NAA25: variants seen among roughly 807,000 people sequenced by gnomAD.
NAA25 encodes N-alpha-acetyltransferase 25, NatB auxiliary subunit.
NAA25 carries 30 observed loss-of-function variants against 132.5 expected under a neutral mutation model. The observed-to-expected ratio is 0.23, with a 90% CI of 0.17 to 0.31. The LOEUF is 0.31. Ranked by LOEUF, NAA25 falls within the 10% of genes least tolerant of loss-of-function variation. NAA25 has a pLI of 1.00. For missense variants in NAA25, 771 were observed against 1,150.4 expected (o/e 0.67, Z 4.77); for synonymous variants, 359 against 401.9 (o/e 0.89, Z 1.28).
intron 4 of NAA25, 30 bp from the exon 5 acceptor site, chr12:112,081,164 GA>G (rs1272360714): frequency 6.4e-7 from 1 of 1,557,778 alleles, no homozygotes; most frequent in Non-Finnish European, 8.8e-7. Context: ...ATTTTATTTA[GA>G]AAACACCATA....
intron 4 of NAA25, among the ~76,000 whole-genome samples, chr12:112,085,979 T>C (rs1211886004): frequency 7.1e-5 from 8 of 113,436 alleles, no homozygotes; most frequent in African/African-American, 1.0e-4. Context: ...ATCATACCAC[T>C]GGATTCCACC....
chr12:112,090,932 G>A (rs1265146483), intron 2 of NAA25, 68 bp from the exon 3 acceptor site: 16 of 1,441,302 alleles, frequency 1.1e-5, no homozygotes, highest in African/African-American at 1.4e-5. Context: ...AAAGAAAGCC[G>A]ATCTGAAAGA....
At chr12:112,075,915 T>C in intron 7 of NAA25, 126 bp from the exon 8 acceptor site, 1 of 699,352 alleles carries the variant, frequency 1.4e-6, no homozygotes, top group Non-Finnish European at 2.3e-6. Flanking sequence ...GGAGTTTCAC[T>C]CTTGTCACCC....
chr12:112,094,292 T>C (rs913199628), intron 1 of NAA25, among the ~76,000 whole-genome samples: 1 of 150,428 alleles, frequency 6.6e-6, no homozygotes, highest in African/African-American at 2.4e-5. Context: ...TATAGTCATC[T>C]CTCATCTACA....
intron 11 of NAA25, among the ~76,000 whole-genome samples, chr12:112,066,649 C>T (rs1294397918): frequency 6.6e-6 from 1 of 152,214 alleles, no homozygotes; most frequent in African/African-American, 2.4e-5. Flanking sequence ...ACTCTCCTTT[C>T]TGGATGTGTT....
intron 1 of NAA25, among the ~76,000 whole-genome samples, chr12:112,093,512 G>A (rs1197255469): frequency 6.6e-6 from 1 of 152,076 alleles, no homozygotes; most frequent in African/African-American, 2.4e-5. Flanking sequence ...CTGCACTCCA[G>A]CCTGGGCAAA....
At position 112,086,102 on chromosome 12, in the gene NAA25, A is replaced by ACC. The variant is rs1555238755; in HGVS notation, c.402+1579_402+1580dup. Among the ~76,000 whole-genome samples, 26 of 120,796 alleles carry ACC rather than the reference A, an allele frequency of 2.2e-4. 1 individual carries two copies. Among genetic ancestry groups the ACC allele is most frequent in the East Asian group, 1.8e-3 (6 of 3,318 alleles). The allele number at this position is 120,796 out of a possible 152,430, so 79.2% of individuals were successfully genotyped here. On this transcript the variant is annotated intron_variant, in intron 4 of 23. Transcript: ENST00000261745. ...CACACACACACACACACACACACAC[A>ACC]CCCATAACCATTTTACATTTTTAAA...
At chr12:112,034,830 A>G (rs1220659697) in intron 22 of NAA25, 1 of 149,802 alleles carries the variant, frequency 6.7e-6, no homozygotes, top group Non-Finnish European at 1.5e-5. Context: ...AAAAAAAAAG[A>G]AAAGAAAAGA....
Position 112,090,807 on chromosome 12 carries a change from C to A in NAA25, c.202G>T (p.Ala68Ser), listed in dbSNP as rs1593827801. The A allele has an allele frequency of 6.2e-7, 1 of 1,614,036 alleles. No individual in the cohort carries two copies. Among genetic ancestry groups the A allele is most frequent in the East Asian group, 2.2e-5 (1 of 44,884 alleles). The change falls in exon 3 of 24, where the codon GCA becomes TCA. Residue 68 changes from alanine (A) to serine (S), a missense_variant. Physicochemically the swap from Ala to Ser is moderately conservative, Grantham distance 99. Coordinates refer to ENST00000261745, the MANE Select transcript of NAA25 (RefSeq NM_024953.4). ...TGKQEEAFTL[A>S]QEVAALEPTD... ...GGTTCAAGGGCTGCCACCTCCTGTG[C>A]AAGAGTAAAGGCTTCCTCTTGCTTT...
rs1158237412 is a variant in NAA25, at chr12:112,076,697, T to TA, written c.665-909dup. Among the ~76,000 whole-genome samples the TA allele has an allele frequency of 5.7e-3, 823 of 143,512 alleles. 1 individual carries two copies. The highest frequency in any genetic ancestry group is 0.019 in the African/African-American group (732 of 39,282). 94.1% of individuals were successfully genotyped at this position (143,512 alleles called of 152,430 possible). A position where few individuals can be genotyped will look rare whatever the true frequency, so the allele number is the denominator to read the frequency against. On this transcript the variant is annotated intron_variant, in intron 7 of 23. Coordinates refer to ENST00000261745, the MANE Select transcript of NAA25 (RefSeq NM_024953.4). ...CTATCCATAGAGCTATAATGTAGTT[T>TA]AAAAAAAAAAAAGGGCCAGGCCTGA... is the stretch of plus-strand genomic sequence containing the variant.
At chr12:112,057,662 C>A (rs2078566580) in intron 13 of NAA25, among the ~76,000 whole-genome samples, 1 of 152,174 alleles carries the variant, frequency 6.6e-6, no homozygotes. Context: ...TGAGACCAGC[C>A]TGACTAACAT....
Position 112,043,328 on chromosome 12 carries a change from A to C in NAA25, c.2251-117T>G, listed in dbSNP as rs962988316. On this transcript the variant is annotated intron_variant, in intron 18 of 23. Transcript: ENST00000261745. ...CTCAGCGGTTCAGCTAAAAGCCACT[A>C]ATCAGCAAACTAATAACTGAATCAT... The C allele has an allele frequency of 1.8e-4, 192 of 1,078,002 alleles. No individual in the cohort carries two copies. In the Middle Eastern group the frequency reaches 2.1e-3, roughly 12 times the overall value. The allele number at this position is 1,078,002 out of a possible 1,614,324, so 66.8% of individuals were successfully genotyped here.
At chr12:112,031,564 G>GA (rs1440856368) in intron 23 of NAA25, among the ~76,000 whole-genome samples, 1 of 152,152 alleles carries the variant, frequency 6.6e-6, no homozygotes, top group African/African-American at 2.4e-5. Flanking sequence ...GAAAAATCCA[G>GA]AGAGTATGGC....
Position 112,060,299 on chromosome 12 carries a change from T to C in NAA25, c.1418A>G (p.His473Arg). Residue 473 changes from histidine to arginine, a missense_variant, in exon 13 of 24, where the codon CAT becomes CGT. Physicochemically the swap from His to Arg is conservative, Grantham distance 29 (BLOSUM62 0). This residue lies in a region of NAA25 where 417 missense variants were observed against 733.8 expected (regional missense o/e 0.57). Transcript: ENST00000261745. ...TTCCCTCCATACATCAATAAGCGCATGGACAGCAAGGAGACAGTAATAGTC... is the reference window on the plus strand; with the variant it reads ...TTCCCTCCATACATCAATAAGCGCACGGACAGCAAGGAGACAGTAATAGTC... The part of the protein sequence containing the change: ...FSDYYCLLAV[H>R]ALIDVWRETG... 6.2e-7 allele frequency: 1 copy of C among 1,613,464 alleles called. No individual in the cohort carries two copies. Among genetic ancestry groups the C allele is most frequent in the Non-Finnish European group, 8.5e-7 (1 of 1,179,526 alleles).
At chr12:112,098,884 G>A (rs540961652) in intron 1 of NAA25, among the ~76,000 whole-genome samples, 151 of 152,146 alleles carry the variant, frequency 9.9e-4, no homozygotes, top group African/African-American at 3.5e-3. Flanking sequence ...GATTACAGGC[G>A]TGAGCCACCA....
intron 2 of NAA25, among the ~76,000 whole-genome samples, chr12:112,092,398 G>A (rs547704800): frequency 2.4e-4 from 36 of 152,158 alleles, no homozygotes; most frequent in Non-Finnish European, 5.0e-4. Context: ...GCTGAGGCAG[G>A]AGGATCACCT....
Position 112,068,896 on chromosome 12 carries a change from G to T in NAA25, c.1133C>A (p.Ala378Asp). ...AGTACTTACTTTTGTACACTGTGTA[G>T]CAGGTAAGAGGTCAACAAACACCTT... ...DLKVFVDLLPATQCTKFINQL... is the reference protein window; with the variant it reads ...DLKVFVDLLPDTQCTKFINQL... Residue 378 changes from alanine (A) to aspartate (D), a missense_variant, in exon 11 of 24, where the codon GCT (alanine) becomes GAT (aspartate). This residue lies in a region of NAA25 where 417 missense variants were observed against 733.8 expected (regional missense o/e 0.57). Transcript: ENST00000261745. 6.2e-7 allele frequency: 1 copy of T among 1,606,108 alleles called. No homozygotes were observed. Among genetic ancestry groups the T allele is most frequent in the Non-Finnish European group, 8.5e-7 (1 of 1,173,900 alleles).
intron 11 of NAA25, among the ~76,000 whole-genome samples, chr12:112,062,501 G>A (rs2078648825): frequency 6.6e-6 from 1 of 152,058 alleles, no homozygotes; most frequent in African/African-American, 2.4e-5. Context: ...AAGGCGGGTG[G>A]ATTGCCTGAG....
chr12:112,107,773 A>G (rs550121786), intron 1 of NAA25, among the ~76,000 whole-genome samples: 39 of 152,286 alleles, frequency 2.6e-4, no homozygotes, highest in African/African-American at 9.4e-4. Flanking sequence ...ATTAAGTGAG[A>G]TAGACCAAGA....
Sources: allele counts gnomAD v4.1 joint callset (sites outside exome capture counted in the v4.1 genomes callset), GRCh38; gene constraint gnomAD v4.1.1; regional missense constraint gnomAD v4.1.1; transcripts MANE v1.5; gene names NCBI Gene and HGNC (gene_info 2026-07-23, HGNC 2026-07-21).